The following THSD7B variants were observed in gnomAD, a reference collection of about 807,000 sequenced individuals.
The protein encoded by THSD7B is thrombospondin type 1 domain containing 7B.
THSD7B carries 138 observed loss-of-function variants against 213.6 expected under a neutral mutation model. That is an observed-to-expected ratio of 0.65 (90% confidence interval 0.56 to 0.74). THSD7B has a LOEUF of 0.74. Ranked by LOEUF, THSD7B falls within the 30% of genes least tolerant of loss-of-function variation. The pLI is 0.00. For synonymous variants in THSD7B, 742 were observed against 687.0 expected, an observed-to-expected ratio of 1.08 and a Z score of -1.25; for missense variants, 1,931 against 1,991.5, an observed-to-expected ratio of 0.97 and a Z score of 0.58.
intron 6 of THSD7B, among the ~76,000 whole-genome samples, chr2:137,164,586 T>G (rs1311958213): frequency 6.6e-6 from 1 of 152,164 alleles, no homozygotes; most frequent in East Asian, 1.9e-4. Context: ...CACACATATG[T>G]TTGTTGTGGC....
intron 19 of THSD7B, 106 bp downstream of exon 19, chr2:137,618,613 C>A (rs560656294): frequency 2.0e-6 from 2 of 1,022,812 alleles, no homozygotes; most frequent in African/African-American, 1.6e-5. Flanking sequence ...TTCTTCTCAT[C>A]TCAGCTTAGG....
intron 3 of THSD7B, among the ~76,000 whole-genome samples, chr2:137,077,076 T>C (rs1442011276): frequency 6.7e-6 from 1 of 149,570 alleles, no homozygotes. Context: ...ACATGCAGTG[T>C]TTGGTTTTTT....
intron 1 of THSD7B, among the ~76,000 whole-genome samples, chr2:136,845,792 A>G (rs1488285593): frequency 6.6e-6 from 1 of 152,226 alleles, no homozygotes; most frequent in Admixed American, 6.5e-5. Context: ...GTCTGTAAGC[A>G]TGAACTTGAA....
At chr2:137,474,710 G>C (rs746442070) in intron 15 of THSD7B, among the ~76,000 whole-genome samples, 1 of 152,100 alleles carries the variant, frequency 6.6e-6, no homozygotes, top group South Asian at 2.1e-4. Context: ...TCCAATAGTC[G>C]TCCCTTAAAA....
intron 5 of THSD7B, among the ~76,000 whole-genome samples, chr2:137,133,742 T>G (rs1429803834): frequency 6.6e-6 from 1 of 152,210 alleles, no homozygotes; most frequent in Non-Finnish European, 1.5e-5. Context: ...CCTAGTGTAT[T>G]TTGTTTCACC....
intron 9 of THSD7B, among the ~76,000 whole-genome samples, chr2:137,239,212 C>T (rs375851992): frequency 6.6e-6 from 1 of 152,128 alleles, no homozygotes; most frequent in Non-Finnish European, 1.5e-5. Context: ...ACCCTTCACT[C>T]GGCTTCCCCC....
chr2:137,583,513 G>T (rs1251187767), intron 17 of THSD7B, among the ~76,000 whole-genome samples: 2 of 152,158 alleles, frequency 1.3e-5, no homozygotes, highest in African/African-American at 4.8e-5. Context: ...ATTAATTTTT[G>T]TATAAGGTGT....
chr2:137,230,942 AACTATC>A, intron 7 of THSD7B, 96 bp from the exon 8 acceptor site: 1 of 1,147,588 alleles, frequency 8.7e-7, no homozygotes, highest in East Asian at 2.5e-5. Context: ...TGGCTGAAGA[AACTATC>A]ATTTTTGGGG....
chr2:136,902,579 A>G (rs1425652533), intron 2 of THSD7B, among the ~76,000 whole-genome samples: 1 of 152,158 alleles, frequency 6.6e-6, no homozygotes, highest in African/African-American at 2.4e-5. Context: ...TGCGCCGAGG[A>G]TAGGGGTCCA....
chr2:136,960,277 G>A (rs186885083), intron 2 of THSD7B, among the ~76,000 whole-genome samples: 14 of 152,124 alleles, frequency 9.2e-5, no homozygotes, highest in East Asian at 1.9e-4. Flanking sequence ...ATAGGCATGC[G>A]CCACCATGTC....
At chr2:136,898,039 G>A (rs539940494) in intron 2 of THSD7B, among the ~76,000 whole-genome samples, 2 of 152,256 alleles carry the variant, frequency 1.3e-5, no homozygotes, top group Non-Finnish European at 2.9e-5. Flanking sequence ...GCTGATTGGT[G>A]CGTTTACAAT....
intron 3 of THSD7B, among the ~76,000 whole-genome samples, chr2:137,080,556 A>G (rs1407344264): frequency 6.6e-6 from 1 of 151,714 alleles, no homozygotes; most frequent in East Asian, 1.9e-4. Flanking sequence ...TTTATTTTAG[A>G]AGTTACCTTT....
At chr2:137,166,963 C>T (rs1042331049) in intron 6 of THSD7B, among the ~76,000 whole-genome samples, 4 of 151,996 alleles carry the variant, frequency 2.6e-5, no homozygotes, top group African/African-American at 9.7e-5. Context: ...GGATTTACAC[C>T]AGGCTGTGGA....
chr2:137,261,112 C>T (rs1426581718), intron 10 of THSD7B, among the ~76,000 whole-genome samples: 2 of 151,924 alleles, frequency 1.3e-5, no homozygotes, highest in African/African-American at 4.8e-5. Context: ...CTTGCCTGGC[C>T]CTTACTAGGC....
At chr2:137,569,963 A>G (rs1248870025) in intron 16 of THSD7B, among the ~76,000 whole-genome samples, 1 of 152,026 alleles carries the variant, frequency 6.6e-6, no homozygotes. Flanking sequence ...GAACATCAGC[A>G]GATAGTGTGC....
At chr2:137,403,925 CA>C (rs1045851134) in intron 12 of THSD7B, among the ~76,000 whole-genome samples, 10 of 151,566 alleles carry the variant, frequency 6.6e-5, no homozygotes, top group East Asian at 1.9e-4. Context: ...TACACACCCA[CA>C]AAAAAAACTG....
chr2:136,852,154 T>C (rs1683108465), intron 1 of THSD7B, among the ~76,000 whole-genome samples: 1 of 151,836 alleles, frequency 6.6e-6, no homozygotes, highest in African/African-American at 2.4e-5. Flanking sequence ...AGTGGAGAGA[T>C]GTGACAGAAG....
At chr2:137,000,721 CAAAT>C (rs1294761198) in intron 2 of THSD7B, among the ~76,000 whole-genome samples, 1 of 152,078 alleles carries the variant, frequency 6.6e-6, no homozygotes, top group Non-Finnish European at 1.5e-5. Flanking sequence ...TAATTACAAT[CAAAT>C]AAGACTTCAC....
At chr2:137,318,521 C>T (rs972440696) in intron 12 of THSD7B, among the ~76,000 whole-genome samples, 2 of 152,116 alleles carry the variant, frequency 1.3e-5, no homozygotes, top group African/African-American at 2.4e-5. Flanking sequence ...AATACCCTCA[C>T]TCCCCCGCCC....
Sources: allele counts gnomAD v4.1 joint callset (sites outside exome capture counted in the v4.1 genomes callset), GRCh38; gene constraint gnomAD v4.1.1; transcripts MANE v1.5; gene names NCBI Gene and HGNC (gene_info 2026-07-23, HGNC 2026-07-21).